Variants in PSKH1 observed in about 807,000 individuals in gnomAD.
The protein encoded by PSKH1 is serine/threonine-protein kinase H1.
In PSKH1, 12 loss-of-function variants were observed where a neutral mutation model predicts 26.7. The ratio of observed to expected loss-of-function variants is 0.45; its 90% CI spans 0.29 to 0.73. The LOEUF is 0.73. Among genes scored for constraint, PSKH1 ranks in the 30% least tolerant of loss-of-function variants. The probability of loss-of-function intolerance (pLI) is 0.11; values close to 1 mark genes in which losing one functional copy is unlikely to be tolerated. For missense variants in PSKH1, 431 were observed against 595.2 expected, an observed-to-expected ratio of 0.72 and a Z score of 2.87; for synonymous variants, 213 against 234.3, an observed-to-expected ratio of 0.91 and a Z score of 0.83.
intron 2 of PSKH1, among the ~76,000 whole-genome samples, chr16:67,911,973 G>A (rs2058174681): frequency 6.6e-6 from 1 of 152,236 alleles, no homozygotes; most frequent in African/African-American, 2.4e-5. Context: ...TTGCGTAGGA[G>A]TCAGGCAGGT....
At chr16:67,913,423 C>A (rs1239587208) in intron 2 of PSKH1, among the ~76,000 whole-genome samples, 4 of 152,064 alleles carry the variant, frequency 2.6e-5, no homozygotes, top group Non-Finnish European at 5.9e-5. Context: ...GCTGGGGTTA[C>A]AGATGTGAGC....
chr16:67,912,456 C>T (rs1009157281), intron 2 of PSKH1, among the ~76,000 whole-genome samples: 4 of 152,180 alleles, frequency 2.6e-5, no homozygotes, highest in African/African-American at 9.7e-5. Context: ...AGACAAGCCC[C>T]TTTATCCTGA....
At chr16:67,914,252 C>T (rs898820019) in intron 2 of PSKH1, among the ~76,000 whole-genome samples, 2 of 151,816 alleles carry the variant, frequency 1.3e-5, no homozygotes, top group Admixed American at 6.6e-5. Context: ...TGGGTTCAAG[C>T]GATTCTCCTG....
At chr16:67,922,366 G>A (rs779259004) in intron 2 of PSKH1, among the ~76,000 whole-genome samples, 2 of 152,180 alleles carry the variant, frequency 1.3e-5, no homozygotes, top group Non-Finnish European at 2.9e-5. Context: ...GCCTTTGAAG[G>A]TGGGAATAGT....
Position 67,893,344 on chromosome 16 carries a change from A to T in PSKH1, c.-98A>T, listed in dbSNP as rs1199747165. On this transcript the variant is annotated 5_prime_UTR_variant, in exon 1 of 3. Transcript: ENST00000291041. ...GGAGATGGCCGGCAGAGCCGCCGAG[A>T]CGCCGAAGAGCCCGCCGCCCGCGCG... 2 of 154,294 alleles carry T rather than the reference A, an allele frequency of 1.3e-5. No homozygotes were observed. Among genetic ancestry groups the T allele is most frequent in the Non-Finnish European group, 1.4e-5 (1 of 69,600 alleles). The allele number at this position is 154,294 out of a possible 1,614,324, so 9.6% of individuals were successfully genotyped here.
chr16:67,904,758 T>C (rs1345161871), intron 1 of PSKH1, among the ~76,000 whole-genome samples: 2 of 150,350 alleles, frequency 1.3e-5, no homozygotes, highest in Non-Finnish European at 3.0e-5. Flanking sequence ...CTGGGATTAC[T>C]CCCGGTGCTG....
intron 1 of PSKH1, among the ~76,000 whole-genome samples, chr16:67,904,689 C>T (rs898913995): frequency 1.3e-5 from 2 of 151,966 alleles, no homozygotes; most frequent in Non-Finnish European, 2.9e-5. Context: ...ACTGTGTTGT[C>T]CAGGCTAGTC....
chr16:67,918,201 TC>T (rs1476707425), intron 2 of PSKH1, among the ~76,000 whole-genome samples: 4 of 152,136 alleles, frequency 2.6e-5, no homozygotes, highest in Admixed American at 2.6e-4. Flanking sequence ...AGAGTTCTAT[TC>T]CTAGAGGCAG....
intron 1 of PSKH1, among the ~76,000 whole-genome samples, chr16:67,902,588 G>A (rs1189492695): frequency 6.6e-6 from 1 of 152,128 alleles, no homozygotes; most frequent in African/African-American, 2.4e-5. Flanking sequence ...GAGCCACTGC[G>A]CCCAGCCAGG....
intron 2 of PSKH1, among the ~76,000 whole-genome samples, chr16:67,913,437 C>T (rs1002772846): frequency 1.6e-4 from 24 of 152,048 alleles, no homozygotes; most frequent in African/African-American, 5.6e-4. Flanking sequence ...TGTGAGCCAC[C>T]ACACCTGGCC....
intron 2 of PSKH1, among the ~76,000 whole-genome samples, chr16:67,926,593 T>A (rs185510859): frequency 1.4e-3 from 216 of 151,968 alleles, no homozygotes; most frequent in African/African-American, 5.0e-3. Flanking sequence ...CAGCCCGGGG[T>A]GCATGTGGCA....
chr16:67,925,864 C>T (rs2058214777), intron 2 of PSKH1, among the ~76,000 whole-genome samples: 1 of 152,150 alleles, frequency 6.6e-6, no homozygotes, highest in African/African-American at 2.4e-5. Flanking sequence ...CCTCATCCCT[C>T]TGTGGCAGTG....
chr16:67,910,342 C>G (rs1416404388), intron 2 of PSKH1, among the ~76,000 whole-genome samples: 1 of 152,204 alleles, frequency 6.6e-6, no homozygotes, highest in African/African-American at 2.4e-5. Context: ...GCAGGGCCTT[C>G]CCAGCATCTG....
In PSKH1 at chr16:67,909,102, G is replaced by A. The variant is rs2058165528; in HGVS notation, c.353G>A (p.Arg118Gln). ...SFSRVVRVEH[R>Q]ATRQPYAIKM... ...AGCCGAGTGGTACGTGTAGAGCACC[G>A]GGCAACCCGGCAGCCGTATGCCATC... Residue 118 changes from arginine to glutamine, a missense_variant, in exon 2 of 3, where the codon CGG (arginine) becomes CAG (glutamine). Arg to Gln is a conservative substitution (Grantham distance 43, BLOSUM62 1). Transcript: ENST00000291041. The surrounding 1 kb of genome is among the most constrained non-coding windows in gnomAD (Gnocchi z 7.8). The A allele has an allele frequency of 2.5e-6, 4 of 1,614,006 alleles. No homozygotes were observed. Among genetic ancestry groups the A allele is most frequent in the Non-Finnish European group, 3.4e-6 (4 of 1,180,036 alleles).
Position 67,927,579 on chromosome 16 carries a change from C to T in PSKH1, c.1212C>T (p.Arg404=). Residue 404 remains arginine (R), a synonymous_variant, in exon 3 of 3, where the codon CGC becomes CGT. Coordinates refer to ENST00000291041, the MANE Select transcript of PSKH1 (RefSeq NM_006742.3). This position sits in a 1 kb window ranked among gnomAD's most constrained non-coding sequence, Gnocchi z 5.5. ...SSRSTRSNKS[R]RVRERELREL... is the part of the protein sequence containing the mutation. Reference sequence around the variant, plus strand: ...GCTCCACACGCTCCAATAAGTCACGCCGTGTGCGGGAACGGGAGCTGCGGG... The same window carrying T: ...GCTCCACACGCTCCAATAAGTCACGTCGTGTGCGGGAACGGGAGCTGCGGG... 3 of 1,613,522 alleles carry T rather than the reference C, an allele frequency of 1.9e-6. No individual in the cohort carries two copies. Among genetic ancestry groups the T allele is most frequent in the Non-Finnish European group, 2.5e-6 (3 of 1,180,014 alleles).
chr16:67,923,222 G>T (rs2058207724), intron 2 of PSKH1, among the ~76,000 whole-genome samples: 1 of 152,156 alleles, frequency 6.6e-6, no homozygotes, highest in South Asian at 2.1e-4. Flanking sequence ...TCACGGAAGA[G>T]GTCGCTTCCC....
chr16:67,923,069 C>CG (rs1041788681), intron 2 of PSKH1, among the ~76,000 whole-genome samples: 2 of 152,136 alleles, frequency 1.3e-5, no homozygotes, highest in Admixed American at 6.5e-5. Context: ...AGGGTTGGTG[C>CG]GGGGGGTCCT....
intron 2 of PSKH1, among the ~76,000 whole-genome samples, chr16:67,915,227 G>A (rs1183391771): frequency 6.6e-6 from 1 of 152,036 alleles, no homozygotes; most frequent in Non-Finnish European, 1.5e-5. Context: ...GTGTGTGTGT[G>A]TGTGTGTGTG....
At position 67,908,843 on chromosome 16, in the gene PSKH1, A is replaced by G. The variant is rs1481013467; in HGVS notation, c.94A>G (p.Ser32Gly). The G allele has an allele frequency of 6.2e-7, 1 of 1,614,122 alleles. No homozygotes were observed. The highest frequency in any genetic ancestry group is 1.7e-4 in the Middle Eastern group (1 of 6,060). Residue 32 changes from serine (S) to glycine (G), a missense_variant, in exon 2 of 3, where the codon AGT (serine) becomes GGT (glycine). By Grantham distance (56) the Ser-to-Gly change is moderately conservative. Transcript: ENST00000291041. ...GGTGGAGCCCTTCAGTGGCACTAAG[A>G]GTGACGTGTACAAGCACTTCATCAC... ...KKVEPFSGTK[S>G]DVYKHFITEV...
Sources: gnomAD v4.1 joint callset for allele counts (sites outside exome capture counted in the v4.1 genomes callset) on GRCh38, gnomAD v4.1.1 for gene constraint, Gnocchi (gnomAD v3.1) non-coding constraint, MANE v1.5 for transcripts, NCBI Gene and HGNC (gene_info 2026-07-23, HGNC 2026-07-21) for gene names.